Variants in RNGTT observed in about 807,000 individuals in gnomAD.
RNGTT encodes the protein RNA guanylyltransferase and 5'-phosphatase, also known as mRNA-capping enzyme.
RNGTT carries 33 observed loss-of-function variants against 79.3 expected under a neutral mutation model. The observed-to-expected ratio is 0.42, with a 90% confidence interval of 0.32 to 0.56. RNGTT has a LOEUF of 0.56. Ranked by LOEUF, RNGTT falls within the 20% of genes least tolerant of loss-of-function variation. The pLI, the probability that RNGTT is intolerant of heterozygous loss-of-function variation, is 0.17. For missense variants in RNGTT, 497 were observed against 739.1 expected (o/e 0.67, Z 3.80); for synonymous variants, 222 against 235.9 (o/e 0.94, Z 0.54).
chr6:88,733,067 A>G (rs926737310), intron 13 of RNGTT, among the ~76,000 whole-genome samples: 2 of 152,196 alleles, frequency 1.3e-5, no homozygotes, highest in African/African-American at 4.8e-5. Context: ...GTAGGTTGAA[A>G]ACAGAACTTG....
At chr6:88,664,026 T>C (rs1479823552) in intron 14 of RNGTT, among the ~76,000 whole-genome samples, 2 of 151,572 alleles carry the variant, frequency 1.3e-5, no homozygotes, top group Non-Finnish European at 1.5e-5. Flanking sequence ...GGGAGGAGAG[T>C]GCTCGAGGTA....
chr6:88,951,120 G>A (rs146047409), intron 1 of RNGTT, among the ~76,000 whole-genome samples: 3,332 of 152,138 alleles, frequency 0.022, 120 homozygotes, highest in African/African-American at 0.076. Context: ...CGGCCTCCCA[G>A]AGTGCTAGGA....
At chr6:88,785,026 G>A (rs1428990705) in intron 12 of RNGTT, among the ~76,000 whole-genome samples, 1 of 152,004 alleles carries the variant, frequency 6.6e-6, no homozygotes, top group Non-Finnish European at 1.5e-5. Flanking sequence ...CCACGTGATT[G>A]TATTATCTGG....
At chr6:88,882,677 G>C (rs1395299846) in intron 8 of RNGTT, among the ~76,000 whole-genome samples, 4 of 152,168 alleles carry the variant, frequency 2.6e-5, no homozygotes, top group African/African-American at 7.2e-5. Context: ...GAGGTGATTA[G>C]GCCACAAGGG....
chr6:88,670,795 C>G (rs1774608672), intron 14 of RNGTT, among the ~76,000 whole-genome samples: 1 of 152,138 alleles, frequency 6.6e-6, no homozygotes, highest in Admixed American at 6.5e-5. Flanking sequence ...TCACGTGGAC[C>G]CCTCAGAGTT....
At position 88,811,782 on chromosome 6, in the gene RNGTT, T is replaced by C. The variant is rs898079948; in HGVS notation, c.1270-10150A>G. 2.0e-5 allele frequency among the ~76,000 whole-genome samples: 3 copies of C among 152,202 alleles called. No homozygotes were observed. In the East Asian group the frequency reaches 5.8e-4, roughly 29 times the overall value. On this transcript the variant is annotated intron_variant, in intron 11 of 15. Coordinates refer to ENST00000369485, the MANE Select transcript of RNGTT (RefSeq NM_003800.5). ...TCCACCTTTCAGTTCTGGTCTATTC[T>C]ACTCAGACATCTTCTGAGCAGATAT...
At chr6:88,856,718 T>C (rs1781856377) in intron 8 of RNGTT, among the ~76,000 whole-genome samples, 3 of 152,148 alleles carry the variant, frequency 2.0e-5, no homozygotes, top group Admixed American at 2.0e-4. Context: ...TTCCAAATCA[T>C]ATGTTCTTTT....
At chr6:88,763,981 C>T (rs980665747) in intron 13 of RNGTT, among the ~76,000 whole-genome samples, 1 of 152,156 alleles carries the variant, frequency 6.6e-6, no homozygotes, top group Non-Finnish European at 1.5e-5. Flanking sequence ...ATAAGCTGCT[C>T]TGCCACTTGG....
At chr6:88,810,535 T>C (rs752032602) in intron 11 of RNGTT, among the ~76,000 whole-genome samples, 11 of 152,060 alleles carry the variant, frequency 7.2e-5, no homozygotes, top group Non-Finnish European at 1.0e-4. Flanking sequence ...ACAGTCTCCA[T>C]GAAAAAAAGG....
chr6:88,914,334 C>T (rs1032796679), intron 4 of RNGTT, among the ~76,000 whole-genome samples: 2 of 151,952 alleles, frequency 1.3e-5, no homozygotes, highest in Non-Finnish European at 2.9e-5. Context: ...CACAGCAATC[C>T]TAAGCAAAAA....
intron 5 of RNGTT, 75 bp from the exon 6 acceptor site, chr6:88,905,030 T>C: frequency 1.3e-6 from 2 of 1,532,576 alleles, no homozygotes; most frequent in South Asian, 2.5e-5. Flanking sequence ...TCACTTATTA[T>C]ATTCAAGGCT....
In RNGTT at chr6:88,610,361, C is replaced by G. The variant is rs1771978026; in HGVS notation, c.*2358G>C. 6.6e-6 allele frequency: 1 copy of G among 152,646 alleles called. No homozygotes were observed. Among genetic ancestry groups the G allele is most frequent in the Admixed American group, 6.5e-5 (1 of 15,284 alleles). 9.5% of individuals were successfully genotyped at this position (152,646 alleles called of 1,614,324 possible). A position where few individuals can be genotyped will look rare whatever the true frequency, so the allele number is the denominator to read the frequency against. On this transcript the variant is annotated 3_prime_UTR_variant, in exon 16 of 16. Coordinates refer to ENST00000369485, the MANE Select transcript of RNGTT (RefSeq NM_003800.5). ...CATTTTCTGAGCATTTCACGGAAAG[C>G]AAATGTAACCATCCACGCAGTAGAG...
At chr6:88,704,417 T>C (rs1307386072) in intron 13 of RNGTT, among the ~76,000 whole-genome samples, 1 of 152,136 alleles carries the variant, frequency 6.6e-6, no homozygotes, top group East Asian at 1.9e-4. Flanking sequence ...CATGCAACTA[T>C]TAATAATCTT....
At chr6:88,906,319 T>A (rs780990358) in intron 5 of RNGTT, 46 bp downstream of exon 5, 4 of 1,294,650 alleles carry the variant, frequency 3.1e-6, no homozygotes, top group African/African-American at 3.0e-5. Flanking sequence ...ATCAATAAAA[T>A]TTTTTATTAC....
intron 12 of RNGTT, among the ~76,000 whole-genome samples, chr6:88,799,499 T>C (rs147779522): frequency 1.3e-3 from 190 of 151,938 alleles, no homozygotes; most frequent in South Asian, 0.01. Context: ...AGGAGTTCAA[T>C]ACCAGCCTGG....
chr6:88,748,521 T>A (rs1419096387), intron 13 of RNGTT, among the ~76,000 whole-genome samples: 2 of 152,104 alleles, frequency 1.3e-5, no homozygotes, highest in Admixed American at 6.6e-5. Context: ...CCCTTCAAAC[T>A]GGAACACTCA....
At chr6:88,719,269 G>A (rs191377188) in intron 13 of RNGTT, among the ~76,000 whole-genome samples, 8 of 152,306 alleles carry the variant, frequency 5.3e-5, no homozygotes, top group African/African-American at 1.9e-4. Flanking sequence ...CTTAGCTTCC[G>A]TGAAACTTTT....
intron 13 of RNGTT, among the ~76,000 whole-genome samples, chr6:88,734,828 G>A (rs367887638): frequency 4.6e-5 from 7 of 152,206 alleles, no homozygotes; most frequent in Non-Finnish European, 7.4e-5. Flanking sequence ...TGAAATAGTC[G>A]ACACATTATA....
intron 8 of RNGTT, among the ~76,000 whole-genome samples, chr6:88,875,638 T>G (rs940782099): frequency 6.6e-6 from 1 of 152,160 alleles, no homozygotes; most frequent in African/African-American, 2.4e-5. Flanking sequence ...TTATTCACAA[T>G]GCTATCTTAC....
Sources: gnomAD v4.1 joint callset for allele counts (sites outside exome capture counted in the v4.1 genomes callset) on GRCh38, gnomAD v4.1.1 for gene constraint, MANE v1.5 for transcripts, NCBI Gene and HGNC (gene_info 2026-07-23, HGNC 2026-07-21) for gene names.